ASIC2: variants seen among roughly 807,000 people sequenced by gnomAD.
ASIC2 encodes acid sensing ion channel subunit 2, also known as acid-sensing ion channel 2.
Under a neutral mutation model 57.3 loss-of-function variants are expected in ASIC2, and 25 were observed. The observed-to-expected ratio is 0.44, with a 90% CI of 0.32 to 0.61. ASIC2 has a LOEUF of 0.61. Ranked by LOEUF, ASIC2 falls within the 20% of genes least tolerant of loss-of-function variation. The pLI is 0.06. For missense variants in ASIC2, 641 were observed against 738.1 expected (o/e 0.87, Z 1.52); for synonymous variants, 319 against 307.5 (o/e 1.04, Z -0.39).
intron 1 of ASIC2, chr17:33,533,635 T>C (rs1221475070): frequency 1.3e-5 from 2 of 152,190 alleles, no homozygotes; most frequent in South Asian, 2.1e-4. Flanking sequence ...GTCTGCCCCA[T>C]GGATTGCCTG....
At chr17:33,132,326 C>T (rs1231724171) in intron 1 of ASIC2, among the ~76,000 whole-genome samples, 1 of 152,210 alleles carries the variant, frequency 6.6e-6, no homozygotes, top group Non-Finnish European at 1.5e-5. Flanking sequence ...CCTGGTATTA[C>T]CCTCCATCTT....
chr17:33,545,051 T>C (rs2141972062), intron 1 of ASIC2, among the ~76,000 whole-genome samples: 1 of 152,332 alleles, frequency 6.6e-6, no homozygotes, highest in Middle Eastern at 3.4e-3. Flanking sequence ...AGTTGAATTA[T>C]GTATCACCAG....
At chr17:33,014,770 G>T (rs3025252) in intron 9 of ASIC2, among the ~76,000 whole-genome samples, 6,565 of 152,206 alleles carry the variant, frequency 0.043, 433 homozygotes, top group African/African-American at 0.14. Flanking sequence ...TGGAGAAGAG[G>T]CTGTGACGCT....
chr17:33,048,637 A>G (rs1314710797), intron 3 of ASIC2, among the ~76,000 whole-genome samples: 1 of 152,214 alleles, frequency 6.6e-6, no homozygotes, highest in Non-Finnish European at 1.5e-5. Context: ...CAGGTGGTGC[A>G]GTTGAGTCCT....
chr17:33,328,340 G>A (rs1028381865), intron 1 of ASIC2, among the ~76,000 whole-genome samples: 1 of 152,128 alleles, frequency 6.6e-6, no homozygotes, highest in Non-Finnish European at 1.5e-5. Flanking sequence ...TGCTGATGGA[G>A]CCATTGAGTT....
At chr17:33,705,563 G>C (rs1405582388) in intron 1 of ASIC2, among the ~76,000 whole-genome samples, 2 of 152,176 alleles carry the variant, frequency 1.3e-5, no homozygotes, top group Non-Finnish European at 2.9e-5. Flanking sequence ...CAGAGAGAAG[G>C]CCATACGATG....
chr17:33,336,834 C>T (rs892452768), intron 1 of ASIC2, among the ~76,000 whole-genome samples: 1 of 152,124 alleles, frequency 6.6e-6, no homozygotes, highest in Non-Finnish European at 1.5e-5. Flanking sequence ...GGCGGGGCTT[C>T]TGTTAACTGA....
intron 1 of ASIC2, among the ~76,000 whole-genome samples, chr17:33,325,269 G>A (rs1042968531): frequency 4.6e-5 from 7 of 152,180 alleles, no homozygotes; most frequent in Admixed American, 3.3e-4. Context: ...AGGAGAGGAA[G>A]GATGTCTCAG....
At chr17:33,328,070 A>AT (rs1907147260) in intron 1 of ASIC2, among the ~76,000 whole-genome samples, 1 of 152,148 alleles carries the variant, frequency 6.6e-6, no homozygotes, top group Non-Finnish European at 1.5e-5. Flanking sequence ...TAACATTTTG[A>AT]TTTTTAGATT....
chr17:33,540,328 A>G (rs971294372), intron 1 of ASIC2, among the ~76,000 whole-genome samples: 1 of 152,162 alleles, frequency 6.6e-6, no homozygotes, highest in Non-Finnish European at 1.5e-5. Context: ...CCTCATTTTA[A>G]TTTGACCATC....
chr17:33,607,390 C>T (rs568585647), intron 1 of ASIC2, among the ~76,000 whole-genome samples: 77 of 152,238 alleles, frequency 5.1e-4, no homozygotes, highest in Admixed American at 2.0e-3. Context: ...GGGCTCACTA[C>T]TCTGGATGCA....
chr17:33,546,030 G>A (rs931133717), intron 1 of ASIC2, among the ~76,000 whole-genome samples: 2 of 151,866 alleles, frequency 1.3e-5, no homozygotes, highest in Admixed American at 6.6e-5. Flanking sequence ...ATTGAAGGCT[G>A]TTCATAGAAA....
chr17:33,638,238 C>G (rs1019099407), intron 1 of ASIC2, among the ~76,000 whole-genome samples: 1 of 152,098 alleles, frequency 6.6e-6, no homozygotes, highest in African/African-American at 2.4e-5. Context: ...TAATCCTAAC[C>G]TGTGGTGTTT....
intron 1 of ASIC2, among the ~76,000 whole-genome samples, chr17:33,613,834 T>G (rs1905505487): frequency 6.6e-6 from 1 of 152,190 alleles, no homozygotes; most frequent in African/African-American, 2.4e-5. Context: ...GTCTACCATA[T>G]GGTAGCACTA....
intron 1 of ASIC2, among the ~76,000 whole-genome samples, chr17:33,683,160 C>T (rs905121272): frequency 1.1e-4 from 16 of 152,128 alleles, no homozygotes; most frequent in African/African-American, 3.4e-4. Context: ...CTCTGCCTCC[C>T]GGGTTCATGC....
chr17:34,099,150 GAGAGAGAGAGAGAGAA>G (rs1567820863), intron 1 of ASIC2, among the ~76,000 whole-genome samples: 20 of 23,234 alleles, frequency 8.6e-4, no homozygotes, highest in African/African-American at 2.5e-3. Context: ...GAGAGACAGA[GAGAGAGAGAGAGAGAA>G]AGAAAGAAAG....
intron 3 of ASIC2, among the ~76,000 whole-genome samples, chr17:33,059,806 T>G (rs2092013200): frequency 6.6e-6 from 1 of 152,216 alleles, no homozygotes; most frequent in African/African-American, 2.4e-5. Flanking sequence ...TTTCTCCACA[T>G]CCTCTCCAGC....
intron 1 of ASIC2, among the ~76,000 whole-genome samples, chr17:34,155,042 C>G (rs1904662950): frequency 6.6e-6 from 1 of 152,070 alleles, no homozygotes; most frequent in African/African-American, 2.4e-5. Flanking sequence ...ACGTAAGCCA[C>G]ATCCCCCTCC....
chr17:33,446,977 T>C (rs941370684), intron 1 of ASIC2, among the ~76,000 whole-genome samples: 2 of 152,230 alleles, frequency 1.3e-5, no homozygotes, highest in African/African-American at 4.8e-5. Flanking sequence ...AAGTGTTTTA[T>C]AAACTGAACG....
Sources: allele counts gnomAD v4.1 joint callset (sites outside exome capture counted in the v4.1 genomes callset), GRCh38; gene constraint gnomAD v4.1.1; transcripts MANE v1.5; gene names NCBI Gene and HGNC (gene_info 2026-07-23, HGNC 2026-07-21).